Variants in CD109 observed in about 807,000 individuals in gnomAD.
CD109 encodes CD109 antigen.
In CD109, 149 loss-of-function variants were observed where a neutral mutation model predicts 165.8. That is an observed-to-expected ratio of 0.90 (90% confidence interval 0.79 to 1.03). CD109 has a LOEUF of 1.03. CD109 is among the 50% of genes least tolerant of loss of function. The pLI, the probability that CD109 is intolerant of heterozygous loss-of-function variation, is 0.00. For missense variants in CD109, 1,712 were observed against 1,677.8 expected, an observed-to-expected ratio of 1.02 and a Z score of -0.36; for synonymous variants, 585 against 592.1, an observed-to-expected ratio of 0.99 and a Z score of 0.18.
chr6:73,785,107 A>G (rs1774638366), intron 19 of CD109, among the ~76,000 whole-genome samples: 1 of 152,240 alleles, frequency 6.6e-6, no homozygotes, highest in African/African-American at 2.4e-5. Context: ...TAACCAAACA[A>G]AATAATTTAT....
At chr6:73,802,821 TC>T (rs1284188861) in intron 23 of CD109, among the ~76,000 whole-genome samples, 6 of 151,596 alleles carry the variant, frequency 4.0e-5, no homozygotes, top group Admixed American at 3.9e-4. Flanking sequence ...TGCCTCAGCC[TC>T]CCGAGTAGCT....
chr6:73,729,614 GCGA>G (rs1172103019), intron 3 of CD109, among the ~76,000 whole-genome samples: 1 of 151,818 alleles, frequency 6.6e-6, no homozygotes, highest in Non-Finnish European at 1.5e-5. Flanking sequence ...CCATGTTCAA[GCGA>G]TTCTCCTGCC....
Position 73,787,253 on chromosome 6 carries a change from A to G in CD109, c.2357A>G (p.Lys786Arg), listed in dbSNP as rs1582158412. 2 of 1,612,158 alleles carry G rather than the reference A, an allele frequency of 1.2e-6. No individual in the cohort carries two copies. The highest frequency in any genetic ancestry group is 2.2e-5 in the East Asian group (1 of 44,882). Residue 786 changes from lysine (K) to arginine (R), a missense_variant, in exon 21 of 33, where the codon AAA (lysine) becomes AGA (arginine). Physicochemically the swap from Lys to Arg is conservative, Grantham distance 26. Transcript: ENST00000287097. ...DATEVKVIIE[K>R]SDKFDILMTS... ...TTTCAGGTTAAGGTAATCATTGAGAAAAGTGACAAATTTGATATTCTAATG... is the reference window on the plus strand; with the variant it reads ...TTTCAGGTTAAGGTAATCATTGAGAGAAGTGACAAATTTGATATTCTAATG...
At chr6:73,754,951 G>A (rs1156841468) in intron 5 of CD109, among the ~76,000 whole-genome samples, 2 of 152,138 alleles carry the variant, frequency 1.3e-5, no homozygotes, top group Non-Finnish European at 2.9e-5. Flanking sequence ...AGCCTCACAT[G>A]GTGTTTTGCA....
intron 3 of CD109, among the ~76,000 whole-genome samples, chr6:73,724,069 T>A (rs940623098): frequency 6.6e-6 from 1 of 152,230 alleles, no homozygotes; most frequent in Non-Finnish European, 1.5e-5. Flanking sequence ...ACCCTGTCTT[T>A]GTTTAAAACT....
intron 9 of CD109, 47 bp downstream of exon 9, chr6:73,762,929 T>C (rs757803786): frequency 6.7e-7 from 1 of 1,488,450 alleles, no homozygotes; most frequent in Admixed American, 2.3e-5. Context: ...GTGACACTGC[T>C]TTATCATCTT....
intron 11 of CD109, 97 bp downstream of exon 11, chr6:73,766,251 G>T: frequency 2.2e-6 from 2 of 890,748 alleles, no homozygotes; most frequent in South Asian, 1.7e-5. Context: ...AAAGTACATA[G>T]GAAGTGGACA....
chr6:73,801,543 CT>C (rs796148176), intron 23 of CD109, among the ~76,000 whole-genome samples: 12 of 152,188 alleles, frequency 7.9e-5, no homozygotes. Flanking sequence ...ATCTTGTTTT[CT>C]TTTTTTCTTT....
chr6:73,691,237 C>G (rs924659676), upstream of CD109, among the ~76,000 whole-genome samples: 2 of 152,204 alleles, frequency 1.3e-5, no homozygotes, highest in Non-Finnish European at 2.9e-5. Context: ...CCTGCCAGTC[C>G]TGGTCTCACC....
Position 73,761,124 on chromosome 6 carries a change from A to G in CD109, c.759-1260A>G, listed in dbSNP as rs547527550. 3.3e-5 allele frequency among the ~76,000 whole-genome samples: 5 copies of G among 151,668 alleles called. No individual in the cohort carries two copies. The East Asian group carries it at 9.7e-4, about 29-fold the overall frequency. On this transcript the variant is annotated intron_variant, in intron 7 of 32. Transcript: ENST00000287097. Reference sequence around the variant, plus strand: ...GATTTTAAAAATTATTCTTATTTTAAATTTTTTGGCAAAAAATCAATTTTT... The same window carrying G: ...GATTTTAAAAATTATTCTTATTTTAGATTTTTTGGCAAAAAATCAATTTTT...
At chr6:73,702,232 CTATGA>C (rs1265304227) in intron 2 of CD109, among the ~76,000 whole-genome samples, 3 of 151,994 alleles carry the variant, frequency 2.0e-5, no homozygotes, top group Non-Finnish European at 4.4e-5. Flanking sequence ...CTCACATTGA[CTATGA>C]TATATTTTAT....
In CD109 at chr6:73,827,565, CCTT is replaced by C. The variant is rs1370722011; in HGVS notation, c.*3936_*3938del. 6.6e-6 allele frequency: 1 copy of C among 152,134 alleles called. No homozygotes were observed. Among genetic ancestry groups the C allele is most frequent in the East Asian group, 1.9e-4 (1 of 5,182 alleles). 9.4% of individuals were successfully genotyped at this position (152,134 alleles called of 1,614,324 possible). On this transcript the variant is annotated 3_prime_UTR_variant, in exon 33 of 33. Coordinates refer to ENST00000287097, the MANE Select transcript of CD109 (RefSeq NM_133493.5). ...ACTACTTTGAATAGAGGACCATTAT[CCTT>C]CTTTCTTCAGAAAACTAAGAAGTAA... is the stretch of plus-strand genomic sequence containing the variant.
chr6:73,696,027 T>TGGGAG (rs1024406384), upstream of CD109: 1 of 580,772 alleles, frequency 1.7e-6, no homozygotes, highest in Non-Finnish European at 3.1e-6. Flanking sequence ...GTAATGGGGA[T>TGGGAG]GGGAGGGGTG....
intron 3 of CD109, among the ~76,000 whole-genome samples, chr6:73,728,467 C>G (rs1333617430): frequency 3.3e-5 from 5 of 152,188 alleles, no homozygotes; most frequent in Non-Finnish European, 5.9e-5. Flanking sequence ...ATAATGAACA[C>G]TCCTATACTT....
At chr6:73,771,376 G>C in intron 14 of CD109, 53 bp from the exon 15 acceptor site, 1 of 1,494,276 alleles carries the variant, frequency 6.7e-7, no homozygotes, top group Non-Finnish European at 9.1e-7. Context: ...CTATTGGCAA[G>C]AATATGCTTT....
chr6:73,810,641 T>G (rs1459298633), intron 27 of CD109, among the ~76,000 whole-genome samples: 1 of 151,510 alleles, frequency 6.6e-6, no homozygotes, highest in African/African-American at 2.4e-5. Context: ...CTACTAGGAT[T>G]AACAAGTGAA....
chr6:73,707,879 A>G (rs1771342461), intron 2 of CD109, among the ~76,000 whole-genome samples: 1 of 150,300 alleles, frequency 6.7e-6, no homozygotes, highest in Non-Finnish European at 1.5e-5. Context: ...TTTGGCACAT[A>G]AAAGACACCT....
rs1273446679 is a variant in CD109, at chr6:73,812,281, A to G, written c.3768+11A>G. ...TTTGCTATTTGTCAGGTATGTAACGATGCTTATTTTTTTAAGTTAAATATG... is the reference window on the plus strand; with the variant it reads ...TTTGCTATTTGTCAGGTATGTAACGGTGCTTATTTTTTTAAGTTAAATATG... On this transcript the variant is annotated intron_variant, in intron 29 of 32. Transcript: ENST00000287097. The G allele has an allele frequency of 6.4e-7, 1 of 1,568,820 alleles. No individual in the cohort carries two copies. The highest frequency in any genetic ancestry group is 1.4e-5 in the African/African-American group (1 of 73,690).
chr6:73,780,221 A>G (rs1774427426), intron 15 of CD109, among the ~76,000 whole-genome samples: 1 of 152,180 alleles, frequency 6.6e-6, no homozygotes, highest in African/African-American at 2.4e-5. Context: ...GGATTGCTGA[A>G]CAGAGTAAAA....
Sources: gnomAD v4.1 joint callset for allele counts (sites outside exome capture counted in the v4.1 genomes callset) on GRCh38, gnomAD v4.1.1 for gene constraint, MANE v1.5 for transcripts, NCBI Gene and HGNC (gene_info 2026-07-23, HGNC 2026-07-21) for gene names.